CTNNA3: variants seen among roughly 807,000 people sequenced by gnomAD.
CTNNA3 encodes the protein catenin alpha-3.
A neutral mutation model predicts 95.7 loss-of-function variants in CTNNA3; 76 were observed. The observed-to-expected ratio is 0.79, with a 90% CI of 0.66 to 0.96. The LOEUF is 0.96. CTNNA3 is among the 40% of genes least tolerant of loss of function. CTNNA3 has a pLI of 0.00. For synonymous variants in CTNNA3, 431 were observed against 374.4 expected (o/e 1.15, Z -1.74); for missense variants, 1,191 against 1,089.8 (o/e 1.09, Z -1.31).
At chr10:66,776,147 A>C (rs1255245309) in intron 7 of CTNNA3, among the ~76,000 whole-genome samples, 1 of 152,142 alleles carries the variant, frequency 6.6e-6, no homozygotes, top group East Asian at 1.9e-4. Context: ...CCTTAACCTA[A>C]ATCTTTAGGC....
chr10:65,995,861 G>C (rs1409510538), intron 15 of CTNNA3, among the ~76,000 whole-genome samples: 1 of 152,172 alleles, frequency 6.6e-6, no homozygotes, highest in African/African-American at 2.4e-5. Context: ...ATGATCCCCA[G>C]GTCCCTAGAC....
chr10:66,957,431 TATATATATATGC>T (rs1564794015), intron 7 of CTNNA3, among the ~76,000 whole-genome samples: 1 of 118,542 alleles, frequency 8.4e-6, no homozygotes. Flanking sequence ...TATATATGCA[TATATATATATGC>T]ATATATATAT....
At chr10:67,608,816 G>A (rs527276751) in intron 2 of CTNNA3, among the ~76,000 whole-genome samples, 2 of 151,890 alleles carry the variant, frequency 1.3e-5, no homozygotes, top group Non-Finnish European at 2.9e-5. Context: ...TCTGGCCAGG[G>A]GCAGTGGCTC....
At chr10:67,128,747 G>C (rs1859846877) in intron 7 of CTNNA3, among the ~76,000 whole-genome samples, 1 of 151,962 alleles carries the variant, frequency 6.6e-6, no homozygotes, top group Non-Finnish European at 1.5e-5. Context: ...AAATAAATAG[G>C]TGTCCTGAGC....
In CTNNA3 at chr10:67,005,687, T is replaced by TTTTTTTTTTTTTTG. The variant is rs1554895950; in HGVS notation, c.1047+174629_1047+174630insCAAAAAAAAAAAAA. Among the ~76,000 whole-genome samples, 73 of 102,318 alleles carry TTTTTTTTTTTTTTG rather than the reference T, an allele frequency of 7.1e-4. 5 individuals are homozygous for TTTTTTTTTTTTTTG. Among genetic ancestry groups the TTTTTTTTTTTTTTG allele is most frequent in the African/African-American group, 2.2e-3 (70 of 32,446 alleles). The allele number at this position is 102,318 out of a possible 152,430, so 67.1% of individuals were successfully genotyped here. A position where few individuals can be genotyped will look rare whatever the true frequency, so the allele number is the denominator to read the frequency against. The stretch of plus-strand genomic sequence containing the variant: ...TTTTGTTTATTTTACTCCATCTTTT[T>TTTTTTTTTTTTTTG]TTTTTTTTTTTTTTTTGAGACGGAG... On this transcript the variant is annotated intron_variant, in intron 7 of 17. Coordinates refer to ENST00000433211, the MANE Select transcript of CTNNA3 (RefSeq NM_013266.4).
In CTNNA3 at chr10:65,915,152, A is replaced by T. The variant is rs971495321; in HGVS notation, c.*5178T>A. On this transcript the variant is annotated 3_prime_UTR_variant, in exon 18 of 18. Transcript: ENST00000433211. The stretch of plus-strand genomic sequence containing the variant: ...TTAACAAATAGCTGTTAAATATATG[A>T]ACGTATGGTAACCCAGATTGGCTCT... 1 of 152,142 alleles carries T rather than the reference A, an allele frequency of 6.6e-6. No individual in the cohort carries two copies. Among genetic ancestry groups the T allele is most frequent in the Non-Finnish European group, 1.5e-5 (1 of 68,018 alleles). 9.4% of individuals were successfully genotyped at this position (152,142 alleles called of 1,614,324 possible). A position where few individuals can be genotyped will look rare whatever the true frequency, so the allele number is the denominator to read the frequency against.
chr10:67,697,613 A>G, upstream of CTNNA3, among the ~76,000 whole-genome samples: 1 of 152,262 alleles, frequency 6.6e-6, no homozygotes, highest in East Asian at 1.9e-4. Flanking sequence ...AATGGATAAA[A>G]GCTGAAGAGC....
chr10:66,535,715 G>T (rs147467372), intron 10 of CTNNA3, among the ~76,000 whole-genome samples: 166 of 152,258 alleles, frequency 1.1e-3, no homozygotes, highest in African/African-American at 3.9e-3. Context: ...CTGTGGTGAG[G>T]GATGGGGAGG....
At chr10:66,608,718 A>C (rs1387666808) in intron 10 of CTNNA3, among the ~76,000 whole-genome samples, 1 of 152,172 alleles carries the variant, frequency 6.6e-6, no homozygotes, top group Non-Finnish European at 1.5e-5. Context: ...AATGGTGCTG[A>C]GATAACTGGC....
chr10:67,286,540 A>T (rs1156297307), intron 5 of CTNNA3, among the ~76,000 whole-genome samples: 1 of 152,246 alleles, frequency 6.6e-6, no homozygotes, highest in East Asian at 1.9e-4. Context: ...TAGCTGGCAC[A>T]GAGTTGACAC....
At chr10:67,520,432 C>T (rs1403688926) in intron 5 of CTNNA3, among the ~76,000 whole-genome samples, 1 of 152,116 alleles carries the variant, frequency 6.6e-6, no homozygotes, top group Non-Finnish European at 1.5e-5. Flanking sequence ...TGCCTGCCAG[C>T]TCAAATACCC....
chr10:67,239,440 A>T (rs1350503010), intron 5 of CTNNA3, among the ~76,000 whole-genome samples: 1 of 152,124 alleles, frequency 6.6e-6, no homozygotes. Flanking sequence ...ATACTCAGGC[A>T]AAAGTAACCT....
intron 10 of CTNNA3, among the ~76,000 whole-genome samples, chr10:66,535,502 C>A (rs767249206): frequency 1.3e-5 from 2 of 152,046 alleles, no homozygotes; most frequent in Admixed American, 1.3e-4. Context: ...GAATTATCTC[C>A]GGGGAAATAT....
intron 12 of CTNNA3, among the ~76,000 whole-genome samples, chr10:66,306,710 T>C (rs757287249): frequency 1.3e-5 from 2 of 152,180 alleles, no homozygotes; most frequent in Non-Finnish European, 2.9e-5. Flanking sequence ...AAATGTGTAC[T>C]TGTCTGCCCT....
chr10:66,247,173 G>A (rs575614502), intron 13 of CTNNA3, among the ~76,000 whole-genome samples: 1 of 152,142 alleles, frequency 6.6e-6, no homozygotes, highest in East Asian at 1.9e-4. Flanking sequence ...CTAGAAAGTA[G>A]CCTCCAAAGG....
intron 2 of CTNNA3, among the ~76,000 whole-genome samples, chr10:67,614,050 A>C (rs1471544214): frequency 6.6e-6 from 1 of 152,206 alleles, no homozygotes; most frequent in Non-Finnish European, 1.5e-5. Flanking sequence ...CACAGCAAGG[A>C]AGCGGACCCT....
At chr10:66,074,266 T>C (rs1035327215) in intron 14 of CTNNA3, among the ~76,000 whole-genome samples, 1 of 151,970 alleles carries the variant, frequency 6.6e-6, no homozygotes. Context: ...CATGTTTTTC[T>C]ATAAACAATA....
At chr10:66,339,043 GT>G (rs1340037691) in intron 12 of CTNNA3, among the ~76,000 whole-genome samples, 1 of 151,780 alleles carries the variant, frequency 6.6e-6, no homozygotes, top group Non-Finnish European at 1.5e-5. Context: ...ATTGTGTTCA[GT>G]ATCTTCATCT....
At chr10:66,664,723 A>G (rs1846382127) in intron 9 of CTNNA3, among the ~76,000 whole-genome samples, 2 of 151,976 alleles carry the variant, frequency 1.3e-5, no homozygotes, top group South Asian at 4.2e-4. Flanking sequence ...AGGAAGAAAA[A>G]TCCCATGGGA....
Sources: gnomAD v4.1 joint callset for allele counts (sites outside exome capture counted in the v4.1 genomes callset) on GRCh38, gnomAD v4.1.1 for gene constraint, MANE v1.5 for transcripts, NCBI Gene and HGNC (gene_info 2026-07-23, HGNC 2026-07-21) for gene names.